PPME1: variants seen among roughly 807,000 people sequenced by gnomAD.
PPME1 encodes testicular secretory protein Li 39.
In PPME1, 17 loss-of-function variants were observed where a neutral mutation model predicts 56.9. That is an observed-to-expected ratio of 0.30 (90% CI 0.20 to 0.45). The LOEUF (loss-of-function observed/expected upper bound fraction) is 0.45. Ranked by LOEUF, PPME1 falls within the 20% of genes least tolerant of loss-of-function variation. The probability of loss-of-function intolerance (pLI) is 1.00; values close to 1 mark genes in which losing one functional copy is unlikely to be tolerated. For missense variants in PPME1, 357 were observed against 483.2 expected (o/e 0.74, Z 2.45); for synonymous variants, 122 against 156.2 (o/e 0.78, Z 1.63).
chr11:74,242,947 G>A (rs535984517), intron 9 of PPME1, among the ~76,000 whole-genome samples: 3 of 150,954 alleles, frequency 2.0e-5, no homozygotes, highest in Non-Finnish European at 4.4e-5. Context: ...GACCCACAGT[G>A]ATTAGTTAAG....
At chr11:74,246,330 G>GTCCC in intron 10 of PPME1, 125 bp downstream of exon 10, 1 of 1,051,570 alleles carries the variant, frequency 9.5e-7, no homozygotes, top group East Asian at 3.0e-5. Context: ...TGAGATCAGG[G>GTCCC]TGCCAGCATG....
chr11:74,191,713 G>A (rs144011220), intron 1 of PPME1, among the ~76,000 whole-genome samples: 8 of 152,314 alleles, frequency 5.3e-5, no homozygotes, highest in East Asian at 3.9e-4. Context: ...AGCTTGGGCC[G>A]CTGCTCTAGA....
chr11:74,206,035 T>A (rs1039500407), intron 3 of PPME1: 8 of 152,238 alleles, frequency 5.3e-5, no homozygotes, highest in African/African-American at 1.7e-4. Context: ...TATTTACATC[T>A]ATTTTTATAC....
At chr11:74,221,944 C>G (rs556154969) in intron 3 of PPME1, among the ~76,000 whole-genome samples, 2 of 152,082 alleles carry the variant, frequency 1.3e-5, no homozygotes, top group African/African-American at 4.8e-5. Context: ...ACTCACCGTC[C>G]TTATCTAAGG....
chr11:74,179,325 C>T (rs1404648734), intron 1 of PPME1, among the ~76,000 whole-genome samples: 1 of 152,162 alleles, frequency 6.6e-6, no homozygotes. Context: ...AAAAACTTGT[C>T]TGTACTAAAA....
chr11:74,199,213 C>T (rs1335486456), intron 1 of PPME1, among the ~76,000 whole-genome samples: 1 of 152,052 alleles, frequency 6.6e-6, no homozygotes, highest in Non-Finnish European at 1.5e-5. Flanking sequence ...TTTTTTAAGC[C>T]TGTCTTTCTT....
chr11:74,206,968 A>G (rs1480184142), intron 3 of PPME1, among the ~76,000 whole-genome samples: 1 of 152,208 alleles, frequency 6.6e-6, no homozygotes, highest in Admixed American at 6.5e-5. Context: ...TTTCTGTAAT[A>G]CTATGAGATT....
chr11:74,171,595 T>G (rs1452534242), intron 1 of PPME1, 73 bp downstream of exon 1: 1 of 1,494,416 alleles, frequency 6.7e-7, no homozygotes, highest in African/African-American at 1.4e-5. Flanking sequence ...TGGGCGTTCA[T>G]AGAGGCACGG....
At chr11:74,247,308 C>T (rs1207810093) in intron 11 of PPME1, among the ~76,000 whole-genome samples, 185 bp downstream of exon 11, 1 of 151,738 alleles carries the variant, frequency 6.6e-6, no homozygotes, top group Non-Finnish European at 1.5e-5. Context: ...CTTTCCTGAG[C>T]TTTAATTTGT....
intron 1 of PPME1, among the ~76,000 whole-genome samples, chr11:74,185,502 G>T (rs1482104303): frequency 5.3e-5 from 8 of 152,076 alleles, no homozygotes; most frequent in Non-Finnish European, 1.5e-5. Flanking sequence ...TGCCACACAC[G>T]TTGATTTTGA....
rs779114893 is a variant in PPME1 at position 74,230,290 on chromosome 11, T to C, written c.444T>C (p.Pro148=). 1 of 1,613,410 alleles carries C rather than the reference T, an allele frequency of 6.2e-7. No individual in the cohort carries two copies. The highest frequency in any genetic ancestry group is 8.5e-7 in the Non-Finnish European group (1 of 1,179,640). ...AAGCCATGTATGGGGACCTTCCTCC[T>C]CCAATTATGCTGATTGGACATAGCA... ...VVEAMYGDLP[P]PIMLIGHSMG... The change falls in exon 6 of 14, where the codon CCT becomes CCC. Residue 148 remains proline, a synonymous_variant. Transcript: ENST00000328257. The surrounding 1 kb of genome is among the most constrained non-coding windows in gnomAD (Gnocchi z 4.9).
At chr11:74,205,001 C>T (rs1352024698) in intron 3 of PPME1, 4 of 152,344 alleles carry the variant, frequency 2.6e-5, no homozygotes, top group Non-Finnish European at 4.4e-5. Context: ...AAGAATAACC[C>T]AATTTGTGTA....
chr11:74,246,996 A>G (rs1859519482), intron 10 of PPME1, 83 bp from the exon 11 acceptor site: 4 of 1,146,232 alleles, frequency 3.5e-6, no homozygotes, highest in South Asian at 1.3e-5. Flanking sequence ...GGAGAATGTC[A>G]TCATATTTAA....
At chr11:74,171,729 T>C (rs1432260160) in intron 1 of PPME1, among the ~76,000 whole-genome samples, 1 of 151,808 alleles carries the variant, frequency 6.6e-6, no homozygotes, top group Non-Finnish European at 1.5e-5. Flanking sequence ...ATAACGTTGT[T>C]GAAGGGAGAG....
At chr11:74,174,322 G>T (rs554096204) in intron 1 of PPME1, among the ~76,000 whole-genome samples, 1 of 152,132 alleles carries the variant, frequency 6.6e-6, no homozygotes, top group Non-Finnish European at 1.5e-5. Flanking sequence ...AGTCATAATT[G>T]TCATCTGGGG....
At chr11:74,210,587 C>T (rs970326604) in intron 3 of PPME1, among the ~76,000 whole-genome samples, 1 of 152,124 alleles carries the variant, frequency 6.6e-6, no homozygotes, top group South Asian at 2.1e-4. Context: ...AGTTCTTACT[C>T]TCCTACTTCC....
intron 1 of PPME1, among the ~76,000 whole-genome samples, chr11:74,203,367 A>C (rs1673962628): frequency 6.6e-6 from 1 of 152,168 alleles, no homozygotes; most frequent in Admixed American, 6.5e-5. Context: ...GGAGGATGGA[A>C]ATGAGCCTAC....
chr11:74,226,549 A>T (rs1474663075), intron 5 of PPME1, among the ~76,000 whole-genome samples: 1 of 152,224 alleles, frequency 6.6e-6, no homozygotes, highest in African/African-American at 2.4e-5. Context: ...GCTGTTAGTG[A>T]TACCTATAGG....
intron 1 of PPME1, among the ~76,000 whole-genome samples, chr11:74,182,381 CAG>C (rs1381523120): frequency 6.6e-6 from 1 of 150,494 alleles, no homozygotes; most frequent in South Asian, 2.1e-4. Flanking sequence ...TTTTTTGAGA[CAG>C]AGTTCTCACT....
Sources: gnomAD v4.1 joint callset for allele counts (sites outside exome capture counted in the v4.1 genomes callset) on GRCh38, gnomAD v4.1.1 for gene constraint, Gnocchi (gnomAD v3.1) non-coding constraint, MANE v1.5 for transcripts, NCBI Gene and HGNC (gene_info 2026-07-23, HGNC 2026-07-21) for gene names.